CELSR1: variants seen among roughly 807,000 people sequenced by gnomAD.
CELSR1 encodes cadherin EGF LAG seven-pass G-type receptor 1.
CELSR1 carries 110 observed loss-of-function variants against 249.1 expected under a neutral mutation model. That is an observed-to-expected ratio of 0.44 (90% confidence interval 0.38 to 0.52). The LOEUF is 0.52. CELSR1 is among the 20% of genes least tolerant of loss of function. The pLI, the probability that CELSR1 is intolerant of heterozygous loss-of-function variation, is 0.00. For missense variants in CELSR1, 4,109 were observed against 4,296.4 expected (o/e 0.96, Z 1.22); for synonymous variants, 2,113 against 1,900.0 (o/e 1.11, Z -2.92).
In CELSR1 at chr22:46,397,742, G is replaced by C. The variant is rs559720952; in HGVS notation, c.5633C>G (p.Ser1878Trp). 1.3e-6 allele frequency: 2 copies of C among 1,592,782 alleles called. No individual in the cohort carries two copies. The highest frequency in any genetic ancestry group is 1.1e-5 in the South Asian group (1 of 87,580). ...GCGGCTATTGGGGGGACAGGGGCTC[G>C]AGGTACAGGGGTCGTCCACATCACA... ...DGCDVDDPCTSSPCPPNSRCH... is the reference protein window; with the variant it reads ...DGCDVDDPCTWSPCPPNSRCH... The change falls in exon 12 of 35, where the codon TCG becomes TGG. Residue 1878 changes from serine (S) to tryptophan (W), a missense_variant. Ser to Trp is a radical substitution (Grantham distance 177). Around this residue, in one of 7 missense-constraint regions of CELSR1, gnomAD observed 1,805 missense variants for 1,831.6 expected, o/e 0.99. Coordinates refer to ENST00000674500, the MANE Select transcript of CELSR1 (RefSeq NM_001378328.1).
At chr22:46,418,783 A>T (rs2079432402) in intron 5 of CELSR1, among the ~76,000 whole-genome samples, 1 of 152,262 alleles carries the variant, frequency 6.6e-6, no homozygotes, top group African/African-American at 2.4e-5. Context: ...CCGGTCACCT[A>T]GAGATTCTTA....
At chr22:46,426,342 C>T (rs1215885229) in intron 5 of CELSR1, among the ~76,000 whole-genome samples, 1 of 152,158 alleles carries the variant, frequency 6.6e-6, no homozygotes, top group African/African-American at 2.4e-5. Flanking sequence ...AGAGGCTGAG[C>T]GCCTTGTAAA....
chr22:46,517,892 G>A lies in CELSR1; in HGVS notation c.3544+15735C>T, dbSNP rs993167086. 2.2e-5 allele frequency among the ~76,000 whole-genome samples: 3 copies of A among 136,544 alleles called. No homozygotes were observed. Among genetic ancestry groups the A allele is most frequent in the African/African-American group, 8.1e-5 (3 of 36,818 alleles). 89.6% of individuals were successfully genotyped at this position (136,544 alleles called of 152,430 possible). ...ATTCTGTTTATTACACACCTCCCAC[G>A]GTGTCCCCTTCCTTTTTTTTTTTTT... On this transcript the variant is annotated intron_variant, in intron 1 of 34. Transcript: ENST00000674500. This position sits in a 1 kb window ranked among gnomAD's most constrained non-coding sequence, Gnocchi z 5.4.
intron 1 of CELSR1, among the ~76,000 whole-genome samples, chr22:46,516,495 TG>T (rs1392757189): frequency 6.6e-6 from 1 of 151,520 alleles, no homozygotes; most frequent in Non-Finnish European, 1.5e-5. Flanking sequence ...ACACCGGTTT[TG>T]GGGGGTTTTT....
At chr22:46,443,796 T>C (rs948956275) in intron 2 of CELSR1, among the ~76,000 whole-genome samples, 11 of 152,380 alleles carry the variant, frequency 7.2e-5, no homozygotes, top group Middle Eastern at 6.8e-3. Context: ...TCCTGGCCTT[T>C]GTAAATCCCG....
chr22:46,366,935 C>T lies in CELSR1; in HGVS notation c.8205+58G>A. The T allele has an allele frequency of 1.9e-6, 3 of 1,558,524 alleles. No homozygotes were observed. In the Admixed American group the frequency reaches 5.5e-5, roughly 28 times the overall value. ...TGGGGCTGAGGCTCGATCACCCTCCCCCGCCCCTCGAGATGCCGCCCAGCC... is the reference window on the plus strand; with the variant it reads ...TGGGGCTGAGGCTCGATCACCCTCCTCCGCCCCTCGAGATGCCGCCCAGCC... On this transcript the variant is annotated intron_variant, in intron 29 of 34. Transcript: ENST00000674500.
chr22:46,361,766 A>AT lies in CELSR1; in HGVS notation c.*1456dup, dbSNP rs767316607. On this transcript the variant is annotated 3_prime_UTR_variant, in exon 35 of 35. Transcript: ENST00000674500. ...TTTTACTTGATTTTCATCCTATTTT[A>AT]TGGTTTCTCCTATTTGGAAGCAGCT... The AT allele has an allele frequency of 5.3e-5, 8 of 152,204 alleles. No homozygotes were observed. Among genetic ancestry groups the AT allele is most frequent in the Non-Finnish European group, 7.4e-5 (5 of 68,026 alleles). 9.4% of individuals were successfully genotyped at this position (152,204 alleles called of 1,614,324 possible). A position where few individuals can be genotyped will look rare whatever the true frequency, so the allele number is the denominator to read the frequency against.
At position 46,363,286 on chromosome 22, in the gene CELSR1, A is replaced by G. The variant is rs2078726206; in HGVS notation, c.9036-39T>C. Reference sequence around the variant, plus strand: ...GAAGCCAGCAAGCAGGTGAAGGGTCAGTGAGGGTAGCGGCTTGGTGGGGCC... The same window carrying G: ...GAAGCCAGCAAGCAGGTGAAGGGTCGGTGAGGGTAGCGGCTTGGTGGGGCC... On this transcript the variant is annotated intron_variant, in intron 34 of 34. Transcript: ENST00000674500. This position sits in a 1 kb window ranked among gnomAD's most constrained non-coding sequence, Gnocchi z 4.3. The G allele has an allele frequency of 1.3e-6, 2 of 1,580,270 alleles. No individual in the cohort carries two copies. The highest frequency in any genetic ancestry group is 1.7e-6 in the Non-Finnish European group (2 of 1,152,866).
chr22:46,503,892 G>A (rs2080489284), intron 1 of CELSR1, among the ~76,000 whole-genome samples: 1 of 152,130 alleles, frequency 6.6e-6, no homozygotes, highest in Non-Finnish European at 1.5e-5. Context: ...AAAGTAGCCA[G>A]GTGTGGCGAT....
chr22:46,487,724 TG>T (rs1289841473), intron 1 of CELSR1, among the ~76,000 whole-genome samples: 3 of 1,760 alleles, frequency 1.7e-3, no homozygotes, highest in Non-Finnish European at 2.4e-3. Flanking sequence ...AGGGTGCAGG[TG>T]GGGGGTGAGG....
chr22:46,481,293 G>T (rs1602195712), intron 1 of CELSR1: 3 of 524,852 alleles, frequency 5.7e-6, no homozygotes, highest in South Asian at 3.0e-5. Flanking sequence ...ATACATTATT[G>T]CCCTCAGCCC....
intron 1 of CELSR1, among the ~76,000 whole-genome samples, chr22:46,470,426 A>C (rs1041689173): frequency 6.6e-6 from 1 of 151,950 alleles, no homozygotes; most frequent in Non-Finnish European, 1.5e-5. Context: ...GCAGCCCAGG[A>C]AGGCACAGCA....
Position 46,436,266 on chromosome 22 carries a change from C to G in CELSR1, c.4430G>C (p.Gly1477Ala). Residue 1477 changes from glycine to alanine, a missense_variant, in exon 4 of 35, where the codon GGC becomes GCC. By Grantham distance (60) the Gly-to-Ala change is moderately conservative. This residue lies in a region of CELSR1 where 453 missense variants were observed against 492.0 expected (regional missense o/e 0.92). Coordinates refer to ENST00000674500, the MANE Select transcript of CELSR1 (RefSeq NM_001378328.1). This position sits in a 1 kb window ranked among gnomAD's most constrained non-coding sequence, Gnocchi z 5.9. The part of the protein sequence containing the change: ...SLTFATQERN[G>A]LLLYNGRFNE... ...GAAGCGGCCGTTGTAGAGAAGCAAGCCGTTCCTTTCCTGAGTGGCAAACCT... is the reference window on the plus strand; with the variant it reads ...GAAGCGGCCGTTGTAGAGAAGCAAGGCGTTCCTTTCCTGAGTGGCAAACCT... 2 of 1,614,036 alleles carry G rather than the reference C, an allele frequency of 1.2e-6. No individual in the cohort carries two copies. The highest frequency in any genetic ancestry group is 8.5e-7 in the Non-Finnish European group (1 of 1,179,974).
intron 22 of CELSR1, among the ~76,000 whole-genome samples, chr22:46,379,815 CT>C (rs1225728003): frequency 1.3e-5 from 2 of 152,256 alleles, no homozygotes; most frequent in East Asian, 1.9e-4. Context: ...TCAAGCCTGA[CT>C]CCTGCATGGC....
At position 46,420,102 on chromosome 22, in the gene CELSR1, G is replaced by A. The variant is rs1204698069; in HGVS notation, c.4612-8343C>T. ...CACATGTGCACACCTACCCACACTC[G>A]TGCATACTCATCCACATTCACACTC... On this transcript the variant is annotated intron_variant, in intron 5 of 34. Transcript: ENST00000674500. Among the ~76,000 whole-genome samples, 4 of 141,852 alleles carry A rather than the reference G, an allele frequency of 2.8e-5. No individual in the cohort carries two copies. The East Asian group carries it at 8.6e-4, about 30-fold the overall frequency. The allele number at this position is 141,852 out of a possible 152,430, so 93.1% of individuals were successfully genotyped here. A position where few individuals can be genotyped will look rare whatever the true frequency, so the allele number is the denominator to read the frequency against.
At chr22:46,438,163 G>A (rs2079688100) in intron 3 of CELSR1, among the ~76,000 whole-genome samples, 1 of 152,142 alleles carries the variant, frequency 6.6e-6, no homozygotes, top group South Asian at 2.1e-4. Flanking sequence ...AAAAAGGAGA[G>A]GCCAGAAAAC....
At chr22:46,461,113 C>G (rs1039769187) in intron 2 of CELSR1, among the ~76,000 whole-genome samples, 1 of 152,014 alleles carries the variant, frequency 6.6e-6, no homozygotes, top group Non-Finnish European at 1.5e-5. Context: ...AATAAATGAG[C>G]TCAATTACCT....
At chr22:46,419,861 AC>A (rs1243900528) in intron 5 of CELSR1, among the ~76,000 whole-genome samples, 1 of 151,718 alleles carries the variant, frequency 6.6e-6, no homozygotes, top group African/African-American at 2.4e-5. Context: ...CCGCATTCAC[AC>A]CCACATGTGC....
In CELSR1 at chr22:46,397,795, G is replaced by A. The variant is rs745695116; in HGVS notation, c.5580C>T (p.Asn1860=). 8.1e-6 allele frequency: 13 copies of A among 1,602,154 alleles called. No individual in the cohort carries two copies. The highest frequency in any genetic ancestry group is 4.5e-5 in the East Asian group (2 of 44,172). Residue 1860 remains asparagine (N), a synonymous_variant, in exon 12 of 35, where the codon AAC becomes AAT. Transcript: ENST00000674500. ...PTNVATLNMN[N]ALKVRVKDGC... ...CGTCCTTCACCCTGACCTTGAGTGC[G>A]TTGTTCATGTTCAGGGTGGCGACGT...
Sources: allele counts gnomAD v4.1 joint callset (sites outside exome capture counted in the v4.1 genomes callset), GRCh38; gene constraint gnomAD v4.1.1; regional missense constraint gnomAD v4.1.1; non-coding constraint Gnocchi (gnomAD v3.1); transcripts MANE v1.5; gene names NCBI Gene and HGNC (gene_info 2026-07-23, HGNC 2026-07-21).